Variants in SCN9A observed in about 807,000 individuals in gnomAD.
SCN9A encodes sodium voltage-gated channel alpha subunit 9.
A neutral mutation model predicts 187.0 loss-of-function variants in SCN9A; 131 were observed. That is an observed-to-expected ratio of 0.70 (90% CI 0.61 to 0.81). SCN9A has a LOEUF of 0.81. Among genes scored for constraint, SCN9A ranks in the 30% least tolerant of loss-of-function variants. The pLI, the probability that SCN9A is intolerant of heterozygous loss-of-function variation, is 0.00. For missense variants in SCN9A, 2,252 were observed against 2,396.6 expected, an observed-to-expected ratio of 0.94 and a Z score of 1.26; for synonymous variants, 809 against 808.6, an observed-to-expected ratio of 1.00 and a Z score of -0.01.
Position 166,252,823 on chromosome 2 carries a change from C to G in SCN9A, c.3352-938G>C, listed in dbSNP as rs572561742. Among the ~76,000 whole-genome samples the G allele has an allele frequency of 6.6e-5, 10 of 151,826 alleles. No individual in the cohort carries two copies. The South Asian group carries it at 2.1e-3, about 31-fold the overall frequency. ...CAAAAAATACATACAGCAACTGTAG[C>G]AAAACTCTGTCAAATTTCCCAAATA... On this transcript the variant is annotated intron_variant, in intron 17 of 26. Coordinates refer to ENST00000642356, the MANE Select transcript of SCN9A (RefSeq NM_001365536.1).
intron 18 of SCN9A, among the ~76,000 whole-genome samples, chr2:166,250,400 C>T (rs537239897): frequency 3.7e-4 from 56 of 152,232 alleles, no homozygotes; most frequent in African/African-American, 1.3e-3. Context: ...TAATCATTAT[C>T]TTATTTGATC....
chr2:166,313,686 C>G (rs1230528440), intron 1 of SCN9A, among the ~76,000 whole-genome samples: 2 of 152,048 alleles, frequency 1.3e-5, no homozygotes, highest in African/African-American at 4.8e-5. Flanking sequence ...GTTTTGTTTT[C>G]TTATCATTCA....
intron 20 of SCN9A, 132 bp downstream of exon 20, chr2:166,237,962 A>G (rs1695394511): frequency 1.7e-6 from 1 of 605,016 alleles, no homozygotes; most frequent in Middle Eastern, 4.5e-4. Context: ...TTCTAAAAGA[A>G]TAAACCTATA....
chr2:166,212,358 T>C (rs1017530655), intron 24 of SCN9A, among the ~76,000 whole-genome samples: 7 of 152,138 alleles, frequency 4.6e-5, no homozygotes, highest in African/African-American at 1.7e-4. Context: ...TCAGCCAAAA[T>C]AGATTTTAAA....
At chr2:166,243,262 A>C (rs1295889647) in intron 18 of SCN9A, among the ~76,000 whole-genome samples, 1 of 152,138 alleles carries the variant, frequency 6.6e-6, no homozygotes, top group African/African-American at 2.4e-5. Context: ...ATTGTACTTA[A>C]AAATGGTTAG....
chr2:166,199,748 G>A lies in SCN9A; in HGVS notation c.4891C>T (p.Arg1631Cys), dbSNP rs202155356. 4.3e-6 allele frequency: 7 copies of A among 1,613,916 alleles called. No individual in the cohort carries two copies. The highest frequency in any genetic ancestry group is 2.2e-5 in the East Asian group (1 of 44,868). The change falls in exon 27 of 27, where the codon CGC becomes TGC. Residue 1631 changes from arginine (R) to cysteine (C), a missense_variant. This residue lies in a region of SCN9A where 84 missense variants were observed against 134.2 expected (regional missense o/e 0.63). Transcript: ENST00000642356. ...ATCATCAAAGCAAAGAGCAGCGTGC[G>A]GATCCCCTTTGCTCCTTTGACTAGA... ...LRLVKGAKGI[R>C]TLLFALMMSL...
chr2:166,252,819 G>A (rs1696105463), intron 17 of SCN9A, among the ~76,000 whole-genome samples: 1 of 151,716 alleles, frequency 6.6e-6, no homozygotes, highest in Admixed American at 6.6e-5. Context: ...TACAGCAACT[G>A]TAGCAAAACT....
rs775934406 is a variant in SCN9A, at chr2:166,286,497, T to G, written c.1441A>C (p.Lys481Gln). 6.2e-7 allele frequency: 1 copy of G among 1,613,672 alleles called. No individual in the cohort carries two copies. The highest frequency in any genetic ancestry group is 1.1e-5 in the South Asian group (1 of 91,026). The change falls in exon 11 of 27, where the codon AAG becomes CAG. Residue 481 changes from lysine (K) to glutamine (Q), a missense_variant. Physicochemically the swap from Lys to Gln is moderately conservative, Grantham distance 53 (BLOSUM62 1). Coordinates refer to ENST00000642356, the MANE Select transcript of SCN9A (RefSeq NM_001365536.1). ...GAGAGCTTCTTTTGATTCTTTTTCTTTCTTCTGTTTCTTCTTTCTTTAGCA... is the reference window on the plus strand; with the variant it reads ...GAGAGCTTCTTTTGATTCTTTTTCTGTCTTCTGTTTCTTCTTTCTTTAGCA... ...KSAKERRNRR[K>Q]KKNQKKLSSG...
chr2:166,330,851 G>C (rs1699484823), intron 1 of SCN9A, among the ~76,000 whole-genome samples: 1 of 152,104 alleles, frequency 6.6e-6, no homozygotes, highest in Non-Finnish European at 1.5e-5. Flanking sequence ...CTCACCTCCT[G>C]CTGTGCAGCC....
intron 9 of SCN9A, among the ~76,000 whole-genome samples, chr2:166,290,543 A>G (rs1214236163): frequency 6.6e-6 from 1 of 152,168 alleles, no homozygotes; most frequent in Non-Finnish European, 1.5e-5. Context: ...ACAGTGTAAA[A>G]GTGCTACTAT....
At chr2:166,206,186 A>C (rs1693794595) in intron 24 of SCN9A, among the ~76,000 whole-genome samples, 1 of 152,186 alleles carries the variant, frequency 6.6e-6, no homozygotes, top group Non-Finnish European at 1.5e-5. Context: ...GGGATTGTAA[A>C]TCATGCTACT....
intron 7 of SCN9A, among the ~76,000 whole-genome samples, chr2:166,296,769 GACATT>G (rs1559022352): frequency 1.3e-5 from 2 of 152,102 alleles, no homozygotes; most frequent in Non-Finnish European, 2.9e-5. Context: ...TAAACAACTA[GACATT>G]AAATTATTAA....
intron 19 of SCN9A, among the ~76,000 whole-genome samples, chr2:166,239,760 G>A (rs1233342509): frequency 1.3e-5 from 2 of 152,120 alleles, no homozygotes; most frequent in African/African-American, 2.4e-5. Context: ...CAAGGAAAAC[G>A]AAGCCTGTTT....
rs182035257 is a variant in SCN9A, at chr2:166,345,558, G to A, written c.-51+30139C>T. On this transcript the variant is annotated intron_variant, in intron 1 of 26. Transcript: ENST00000642356. ...AGTAGGGAAAAGGGGTTTATTGATT[G>A]ATATAAAACTAAGTTCCAGAAAAAC... Among the ~76,000 whole-genome samples, 471 of 152,036 alleles carry A rather than the reference G, an allele frequency of 3.1e-3. 4 individuals carry two copies. The highest frequency in any genetic ancestry group is 0.011 in the African/African-American group (450 of 41,496).
intron 1 of SCN9A, among the ~76,000 whole-genome samples, chr2:166,353,092 T>C (rs913588037): frequency 2.0e-5 from 3 of 151,620 alleles, no homozygotes; most frequent in African/African-American, 4.8e-5. Context: ...TGGTGGCTAA[T>C]GTCTGTAATC....
intron 17 of SCN9A, among the ~76,000 whole-genome samples, chr2:166,258,623 G>T (rs1381145729): frequency 6.6e-6 from 1 of 151,450 alleles, no homozygotes; most frequent in Non-Finnish European, 1.5e-5. Context: ...TAGAAGCAGG[G>T]TACTTTGGCT....
intron 24 of SCN9A, among the ~76,000 whole-genome samples, chr2:166,223,649 C>G (rs1211556648): frequency 6.6e-6 from 1 of 152,168 alleles, no homozygotes; most frequent in Non-Finnish European, 1.5e-5. Context: ...CTAGGGACTT[C>G]CTGTAGTACT....
intron 1 of SCN9A, among the ~76,000 whole-genome samples, chr2:166,367,114 TA>T (rs1416894037): frequency 6.6e-6 from 1 of 152,216 alleles, no homozygotes; most frequent in South Asian, 2.1e-4. Context: ...CCAAGATATA[TA>T]AATACTTCCA....
At chr2:166,357,284 G>T (rs891574032) in intron 1 of SCN9A, among the ~76,000 whole-genome samples, 3 of 152,118 alleles carry the variant, frequency 2.0e-5, no homozygotes, top group African/African-American at 7.2e-5. Flanking sequence ...AGTCATAATT[G>T]TATGTGCGTT....
Sources: allele counts gnomAD v4.1 joint callset (sites outside exome capture counted in the v4.1 genomes callset), GRCh38; gene constraint gnomAD v4.1.1; regional missense constraint gnomAD v4.1.1; transcripts MANE v1.5; gene names NCBI Gene and HGNC (gene_info 2026-07-23, HGNC 2026-07-21).